The following UVRAG variants were observed in gnomAD, a reference collection of about 807,000 sequenced individuals.
UVRAG encodes UV radiation resistance associated.
In UVRAG, 19 loss-of-function variants were observed where a neutral mutation model predicts 78.0. The ratio of observed to expected loss-of-function variants is 0.24; its 90% CI spans 0.17 to 0.36. UVRAG has a LOEUF of 0.36. Among genes scored for constraint, UVRAG ranks in the 10% least tolerant of loss-of-function variants. The pLI, the probability that UVRAG is intolerant of heterozygous loss-of-function variation, is 1.00. For missense variants in UVRAG, 740 were observed against 853.8 expected, an observed-to-expected ratio of 0.87 and a Z score of 1.66; for synonymous variants, 323 against 324.6, an observed-to-expected ratio of 1.00 and a Z score of 0.05.
intron 1 of UVRAG, among the ~76,000 whole-genome samples, chr11:75,850,268 C>T (rs1946126117): frequency 6.6e-6 from 1 of 152,162 alleles, no homozygotes. Context: ...CCCTGGAGAC[C>T]CTATTCTCCT....
chr11:75,872,546 C>T (rs895005846), intron 3 of UVRAG, among the ~76,000 whole-genome samples: 1 of 152,012 alleles, frequency 6.6e-6, no homozygotes, highest in African/African-American at 2.4e-5. Context: ...CCCCACCACG[C>T]CCGGCTAATT....
At chr11:76,086,142 G>A (rs993533812) in intron 13 of UVRAG, among the ~76,000 whole-genome samples, 1 of 152,130 alleles carries the variant, frequency 6.6e-6, no homozygotes, top group African/African-American at 2.4e-5. Flanking sequence ...TTTAAAATTC[G>A]GGCCTGTTAA....
At position 76,144,112 on chromosome 11, in the gene UVRAG, C is replaced by T. The variant is rs1457913948; in HGVS notation, c.*2699C>T. On this transcript the variant is annotated 3_prime_UTR_variant, in exon 15 of 15. Transcript: ENST00000356136. ...ATGGTGCCCATTTATCCTGACCTAA[C>T]CAGTTATTTAAATAATTTTTTAAAC... 6.6e-6 allele frequency among the ~76,000 whole-genome samples: 1 copy of T among 152,102 alleles called. No homozygotes were observed. The highest frequency in any genetic ancestry group is 2.1e-4 in the South Asian group (1 of 4,832).
chr11:75,963,883 A>C (rs1216993245), intron 7 of UVRAG, among the ~76,000 whole-genome samples: 1 of 151,272 alleles, frequency 6.6e-6, no homozygotes, highest in Non-Finnish European at 1.5e-5. Flanking sequence ...CTGCTCTTGA[A>C]CTCCTGGCCT....
At chr11:75,981,599 G>A (rs533561774) in intron 7 of UVRAG, among the ~76,000 whole-genome samples, 11 of 152,218 alleles carry the variant, frequency 7.2e-5, no homozygotes, top group African/African-American at 2.6e-4. Flanking sequence ...ACAGGCATGA[G>A]CCATCTTGCC....
At chr11:76,068,680 AGG>A (rs1396195829) in intron 13 of UVRAG, among the ~76,000 whole-genome samples, 5 of 152,304 alleles carry the variant, frequency 3.3e-5, no homozygotes, top group Non-Finnish European at 5.9e-5. Flanking sequence ...GCTGTTTCTC[AGG>A]GAAGCTTTCA....
At chr11:75,872,155 AT>A (rs1477272352) in intron 3 of UVRAG, among the ~76,000 whole-genome samples, 6 of 152,198 alleles carry the variant, frequency 3.9e-5, no homozygotes, top group Non-Finnish European at 7.3e-5. Context: ...AAATATTACC[AT>A]TTGAGTTTTT....
intron 6 of UVRAG, among the ~76,000 whole-genome samples, chr11:75,923,787 A>G (rs1001651822): frequency 6.6e-6 from 1 of 152,204 alleles, no homozygotes; most frequent in East Asian, 1.9e-4. Flanking sequence ...TAGATTTCCA[A>G]CATTATTGCT....
intron 12 of UVRAG, among the ~76,000 whole-genome samples, chr11:76,026,835 CT>C (rs1950334503): frequency 6.6e-6 from 1 of 152,058 alleles, no homozygotes; most frequent in Non-Finnish European, 1.5e-5. Context: ...ATTGTTAGTT[CT>C]TTTGGATTTT....
intron 7 of UVRAG, chr11:75,979,992 G>A (rs1235914752): frequency 6.5e-6 from 1 of 153,236 alleles, no homozygotes; most frequent in Non-Finnish European, 1.5e-5. Flanking sequence ...GTAGACTGGA[G>A]CTATTCCTAT....
chr11:75,998,731 C>T (rs1949753476), intron 8 of UVRAG, among the ~76,000 whole-genome samples: 1 of 152,266 alleles, frequency 6.6e-6, no homozygotes, highest in East Asian at 1.9e-4. Context: ...TTTAACAAAT[C>T]GTTAATGACC....
intron 7 of UVRAG, among the ~76,000 whole-genome samples, chr11:75,982,445 C>T (rs1208981107): frequency 6.9e-6 from 1 of 145,286 alleles, no homozygotes; most frequent in Non-Finnish European, 1.5e-5. Context: ...GCCTCATTAG[C>T]ACTGGGTAGA....
intron 7 of UVRAG, among the ~76,000 whole-genome samples, chr11:75,970,590 G>A (rs774604470): frequency 5.3e-5 from 8 of 151,994 alleles, no homozygotes; most frequent in South Asian, 2.1e-4. Flanking sequence ...AAAATTAGCC[G>A]GGCGTGGTCG....
chr11:75,891,598 T>C (rs1242208816), intron 5 of UVRAG, among the ~76,000 whole-genome samples: 4 of 152,186 alleles, frequency 2.6e-5, no homozygotes, highest in Non-Finnish European at 5.9e-5. Flanking sequence ...CTAATACTCC[T>C]TTCTTCTCCT....
At chr11:75,937,000 C>A (rs1421094690) in intron 6 of UVRAG, among the ~76,000 whole-genome samples, 1 of 152,218 alleles carries the variant, frequency 6.6e-6, no homozygotes, top group Non-Finnish European at 1.5e-5. Flanking sequence ...AAGTGATCTT[C>A]TGTTCTCAGC....
chr11:75,943,417 G>A (rs980678491), intron 6 of UVRAG, among the ~76,000 whole-genome samples: 6 of 151,290 alleles, frequency 4.0e-5, no homozygotes, highest in African/African-American at 1.5e-4. Context: ...TAATTCTGAA[G>A]TGCTTTTCTG....
At chr11:76,039,879 A>G (rs1160876856) in intron 12 of UVRAG, among the ~76,000 whole-genome samples, 1 of 152,210 alleles carries the variant, frequency 6.6e-6, no homozygotes, top group Non-Finnish European at 1.5e-5. Flanking sequence ...CTGCCTCAAA[A>G]TTTTAAAAAA....
At chr11:76,060,745 G>A (rs1345016873) in intron 12 of UVRAG, among the ~76,000 whole-genome samples, 1 of 152,214 alleles carries the variant, frequency 6.6e-6, no homozygotes, top group Non-Finnish European at 1.5e-5. Context: ...TCCCCCAGCA[G>A]TGCCAGCACA....
At chr11:75,962,297 T>C (rs1948925123) in intron 7 of UVRAG, among the ~76,000 whole-genome samples, 1 of 152,170 alleles carries the variant, frequency 6.6e-6, no homozygotes, top group Non-Finnish European at 1.5e-5. Context: ...ATAGGCAGCA[T>C]CTTCCTATTG....
Sources: gnomAD v4.1 joint callset for allele counts (sites outside exome capture counted in the v4.1 genomes callset) on GRCh38, gnomAD v4.1.1 for gene constraint, MANE v1.5 for transcripts, NCBI Gene and HGNC (gene_info 2026-07-23, HGNC 2026-07-21) for gene names.